SLC23A1: variants seen among roughly 807,000 people sequenced by gnomAD.
SLC23A1 encodes the protein solute carrier family 23 member 1.
Under a neutral mutation model 62.5 loss-of-function variants are expected in SLC23A1, and 31 were observed. The observed-to-expected ratio is 0.50, with a 90% confidence interval of 0.37 to 0.67. SLC23A1 has a LOEUF of 0.67. Among genes scored for constraint, SLC23A1 ranks in the 30% least tolerant of loss-of-function variants. The pLI, the probability that SLC23A1 is intolerant of heterozygous loss-of-function variation, is 0.00. For missense variants in SLC23A1, 640 were observed against 782.7 expected, an observed-to-expected ratio of 0.82 and a Z score of 2.18; for synonymous variants, 271 against 313.2, an observed-to-expected ratio of 0.87 and a Z score of 1.42.
intron 5 of SLC23A1, 80 bp from the exon 6 acceptor site, chr5:139,380,469 A>G: frequency 5.6e-6 from 9 of 1,594,996 alleles, no homozygotes; most frequent in Non-Finnish European, 6.9e-6. Flanking sequence ...AAGCTCCTGG[A>G]CCACCTCCTC....
chr5:139,372,357 C>A, intron 13 of SLC23A1, 104 bp from the exon 14 acceptor site: 1 of 1,107,340 alleles, frequency 9.0e-7, no homozygotes, highest in Non-Finnish European at 1.3e-6. Flanking sequence ...AAGTATCTTC[C>A]TTAACTATCA....
Position 139,372,115 on chromosome 5 carries a change from G to A in SLC23A1, c.1688C>T (p.Pro563Leu). 6.2e-7 allele frequency: 1 copy of A among 1,613,508 alleles called. No individual in the cohort carries two copies. The highest frequency in any genetic ancestry group is 8.5e-7 in the Non-Finnish European group (1 of 1,179,382). ...AAATCCTTTGAAGACTGGGCAGATA[G>A]GAATGTATTTCAGAAAGGTAATTCT... Reference protein sequence around the residue: ...VKRITFLKYIPICPVFKGFSS... With the variant: ...VKRITFLKYILICPVFKGFSS... Residue 563 changes from proline (P) to leucine (L), a missense_variant, in exon 14 of 15, where the codon CCT (proline) becomes CTT (leucine). Coordinates refer to ENST00000348729, the MANE Select transcript of SLC23A1 (RefSeq NM_005847.5).
Position 139,379,453 on chromosome 5 carries a change from G to A in SLC23A1, c.926-99C>T, listed in dbSNP as rs2152070453. On this transcript the variant is annotated intron_variant, in intron 8 of 14. Transcript: ENST00000348729. The surrounding 1 kb of genome is among the most constrained non-coding windows in gnomAD (Gnocchi z 4.7). ...TGGAAGGAGCAAGAGCAGATCAGGA[G>A]ACCTCAGGCTGGGATGGGAGCTATA... The A allele has an allele frequency of 7.9e-7, 1 of 1,267,274 alleles. No homozygotes were observed. 78.5% of individuals were successfully genotyped at this position (1,267,274 alleles called of 1,614,324 possible).
Position 139,378,558 on chromosome 5 carries a change from G to T in SLC23A1, c.1179+21C>A. The stretch of plus-strand genomic sequence containing the variant: ...GGCCCACGGAATTAGGGCAGGATTT[G>T]GCTCTGGCTCGTCGCGACACCTTGG... On this transcript the variant is annotated intron_variant, in intron 10 of 14. Coordinates refer to ENST00000348729, the MANE Select transcript of SLC23A1 (RefSeq NM_005847.5). This position sits in a 1 kb window ranked among gnomAD's most constrained non-coding sequence, Gnocchi z 4.5. The T allele has an allele frequency of 6.5e-7, 1 of 1,541,400 alleles. No homozygotes were observed. Among genetic ancestry groups the T allele is most frequent in the Non-Finnish European group, 8.8e-7 (1 of 1,134,240 alleles).
At chr5:139,384,519 A>G (rs780436101), upstream of SLC23A1, 12 of 1,289,494 alleles carry the variant, frequency 9.3e-6, no homozygotes, top group Middle Eastern at 2.1e-4. Flanking sequence ...CCTCTTGGCT[A>G]CTGCTCCCAA....
chr5:139,385,138 G>A (rs1227316412), upstream of SLC23A1, among the ~76,000 whole-genome samples: 4 of 152,230 alleles, frequency 2.6e-5, no homozygotes, highest in Non-Finnish European at 5.9e-5. Flanking sequence ...ATCTGTCAAA[G>A]GGGGATTAGA....
At position 139,378,165 on chromosome 5, in the gene SLC23A1, A is replaced by C. The variant is rs1758038449; in HGVS notation, c.1310-47T>G. ...TGGAGGCGCCGCACACGCGTAATCC[A>C]GGTGAGTCCCACTCGGCGACCCGCA... On this transcript the variant is annotated intron_variant, in intron 11 of 14. Coordinates refer to ENST00000348729, the MANE Select transcript of SLC23A1 (RefSeq NM_005847.5). The surrounding 1 kb of genome is among the most constrained non-coding windows in gnomAD (Gnocchi z 4.5). 1 of 1,613,456 alleles carries C rather than the reference A, an allele frequency of 6.2e-7. No homozygotes were observed. The highest frequency in any genetic ancestry group is 8.5e-7 in the Non-Finnish European group (1 of 1,179,752).
At position 139,380,788 on chromosome 5, in the gene SLC23A1, G is replaced by T. The variant is rs987540297; in HGVS notation, c.397+10C>A. ...CTTTTCCCCAGTGCAGACCCCAGAA[G>T]TGTACCCACCTTCCGGGGGGCATTT... On this transcript the variant is annotated intron_variant, in intron 4 of 14. Coordinates refer to ENST00000348729, the MANE Select transcript of SLC23A1 (RefSeq NM_005847.5). 8 of 1,554,148 alleles carry T rather than the reference G, an allele frequency of 5.1e-6. No homozygotes were observed. In the African/African-American group the frequency reaches 1.1e-4, roughly 21 times the overall value.
intron 14 of SLC23A1, 106 bp downstream of exon 14, chr5:139,371,881 A>G (rs561609114): frequency 1.4e-5 from 12 of 859,460 alleles, no homozygotes; most frequent in Non-Finnish European, 2.2e-5. Context: ...AGGACATTCA[A>G]ACAGTTTACA....
intron 1 of SLC23A1, 110 bp from the exon 2 acceptor site, chr5:139,382,715 C>G (rs1451869021): frequency 2.8e-6 from 2 of 711,552 alleles, no homozygotes; most frequent in African/African-American, 1.8e-5. Flanking sequence ...CAACTGAGAG[C>G]GGGGTTCCCG....
At chr5:139,383,468 C>G, upstream of SLC23A1, 3 of 789,740 alleles carry the variant, frequency 3.8e-6, no homozygotes, top group South Asian at 5.8e-5. Context: ...CCACATGTGC[C>G]CTTCCCTGCC....
Position 139,382,625 on chromosome 5 carries a change from G to C in SLC23A1, c.37-20C>G. ...TTCATGCTGGAGGCAGCAGAGATAA[G>C]TAGCTTAGGGTGAAGTGATGGGGAC... On this transcript the variant is annotated intron_variant, in intron 1 of 14. Coordinates refer to ENST00000348729, the MANE Select transcript of SLC23A1 (RefSeq NM_005847.5). 1 of 1,473,000 alleles carries C rather than the reference G, an allele frequency of 6.8e-7. No homozygotes were observed. Among genetic ancestry groups the C allele is most frequent in the Non-Finnish European group, 9.5e-7 (1 of 1,053,508 alleles). 91.2% of individuals were successfully genotyped at this position (1,473,000 alleles called of 1,614,324 possible).
intron 6 of SLC23A1, 48 bp downstream of exon 6, chr5:139,380,160 G>C: frequency 6.4e-7 from 1 of 1,558,882 alleles, no homozygotes; most frequent in Non-Finnish European, 8.7e-7. Context: ...GACATGAAGA[G>C]GGTAGGGTGC....
chr5:139,369,625 G>A (rs1020927486), intron 14 of SLC23A1: 10 of 152,558 alleles, frequency 6.6e-5, no homozygotes, highest in South Asian at 4.1e-4. Context: ...GCTGCCATAC[G>A]TGTTCAGTGT....
chr5:139,372,307 C>T (rs1379891908), intron 13 of SLC23A1, 54 bp from the exon 14 acceptor site: 4 of 1,560,992 alleles, frequency 2.6e-6, no homozygotes, highest in Admixed American at 1.8e-5. Flanking sequence ...CAGCCACCCC[C>T]ACTTCCCATA....
upstream of SLC23A1, among the ~76,000 whole-genome samples, chr5:139,385,314 A>G (rs184183690): frequency 6.6e-6 from 1 of 152,368 alleles, no homozygotes; most frequent in East Asian, 1.9e-4. Flanking sequence ...GGTGGGGTCC[A>G]GGGCTTCTTT....
At position 139,378,792 on chromosome 5, in the gene SLC23A1, T is replaced by C. The variant is rs1758082988; in HGVS notation, c.1074-108A>G. ...TCTGGGGCTGTGGGGGCTGCAGCTA[T>C]CAGCTGTAGCACTCCCTACTACAGG... On this transcript the variant is annotated intron_variant, in intron 9 of 14. Transcript: ENST00000348729. This position sits in a 1 kb window ranked among gnomAD's most constrained non-coding sequence, Gnocchi z 4.5. 2.5e-6 allele frequency: 2 copies of C among 794,832 alleles called. No individual in the cohort carries two copies. The highest frequency in any genetic ancestry group is 5.3e-5 in the East Asian group (2 of 37,680). 49.2% of individuals were successfully genotyped at this position (794,832 alleles called of 1,614,324 possible).
upstream of SLC23A1, chr5:139,383,385 T>G: frequency 6.7e-7 from 1 of 1,485,662 alleles, no homozygotes; most frequent in South Asian, 1.4e-5. Context: ...CAGCTCTGGA[T>G]TGCGAAAGGG....
At chr5:139,380,145 C>A in intron 6 of SLC23A1, 63 bp downstream of exon 6, 1 of 1,564,286 alleles carries the variant, frequency 6.4e-7, no homozygotes, top group African/African-American at 1.4e-5. Context: ...GGAAGAAGGA[C>A]CAAGGACATG....
Sources: allele counts gnomAD v4.1 joint callset (sites outside exome capture counted in the v4.1 genomes callset), GRCh38; gene constraint gnomAD v4.1.1; non-coding constraint Gnocchi (gnomAD v3.1); transcripts MANE v1.5; gene names NCBI Gene and HGNC (gene_info 2026-07-23, HGNC 2026-07-21).